CPEB1: variants seen among roughly 807,000 people sequenced by gnomAD.
CPEB1 encodes cytoplasmic polyadenylation element binding protein 1, also known as cytoplasmic polyadenylation element-binding protein 1.
Under a neutral mutation model 65.8 loss-of-function variants are expected in CPEB1, and 7 were observed. The ratio of observed to expected loss-of-function variants is 0.11; its 90% CI spans 0.06 to 0.20. The LOEUF is 0.20. Among genes scored for constraint, CPEB1 ranks in the 10% least tolerant of loss-of-function variants. The pLI is 1.00. For missense variants in CPEB1, 551 were observed against 712.2 expected (o/e 0.77, Z 2.58); for synonymous variants, 262 against 260.0 (o/e 1.01, Z -0.08).
At chr15:82,583,179 G>A (rs1425317120) in intron 3 of CPEB1, among the ~76,000 whole-genome samples, 1 of 152,126 alleles carries the variant, frequency 6.6e-6, no homozygotes, top group East Asian at 1.9e-4. Context: ...CCCATGGAGA[G>A]CAAAAAAGAC....
intron 3 of CPEB1, among the ~76,000 whole-genome samples, chr15:82,626,337 G>A (rs970701287): frequency 6.6e-6 from 1 of 152,018 alleles, no homozygotes; most frequent in Non-Finnish European, 1.5e-5. Flanking sequence ...GGGAGGCTGA[G>A]GCAGGATAAC....
intron 3 of CPEB1, among the ~76,000 whole-genome samples, chr15:82,576,811 C>T (rs1029767411): frequency 6.6e-6 from 1 of 152,140 alleles, no homozygotes; most frequent in African/African-American, 2.4e-5. Flanking sequence ...TAGCTTGAGC[C>T]AATGAGTTTG....
chr15:82,559,238 T>C (rs1268229472), intron 4 of CPEB1, among the ~76,000 whole-genome samples: 2 of 152,120 alleles, frequency 1.3e-5, no homozygotes, highest in African/African-American at 2.4e-5. Flanking sequence ...ACACATGCCA[T>C]TGATGGAACA....
chr15:82,620,754 G>A (rs2045230944), intron 3 of CPEB1, among the ~76,000 whole-genome samples: 1 of 152,148 alleles, frequency 6.6e-6, no homozygotes, highest in Non-Finnish European at 1.5e-5. Flanking sequence ...AGTGAGCTAT[G>A]ATCATACAAC....
At chr15:82,601,177 G>T (rs1443931963) in intron 3 of CPEB1, among the ~76,000 whole-genome samples, 17 of 150,668 alleles carry the variant, frequency 1.1e-4, no homozygotes, top group Admixed American at 7.9e-4. Flanking sequence ...CAAAGTGCTG[G>T]GTTTACAGGC....
At chr15:82,630,028 G>C (rs2046107348) in intron 1 of CPEB1, 1 of 985,246 alleles carries the variant, frequency 1.0e-6, no homozygotes, top group Admixed American at 6.1e-5. Flanking sequence ...TGACACACAA[G>C]GCCCTTTTCA....
chr15:82,562,142 A>G (rs767815242), intron 4 of CPEB1: 2 of 443,878 alleles, frequency 4.5e-6, no homozygotes, highest in South Asian at 3.2e-5. Flanking sequence ...TCCAAGTACC[A>G]TTCACTAGCT....
At chr15:82,573,634 T>C (rs1248217201) in intron 3 of CPEB1, among the ~76,000 whole-genome samples, 1 of 152,090 alleles carries the variant, frequency 6.6e-6, no homozygotes, top group African/African-American at 2.4e-5. Flanking sequence ...GTGCATATGA[T>C]TACCCCCATC....
intron 11 of CPEB1, among the ~76,000 whole-genome samples, chr15:82,546,850 A>G (rs2035314822): frequency 6.6e-6 from 1 of 152,124 alleles, no homozygotes; most frequent in Non-Finnish European, 1.5e-5. Context: ...AGGATTCCCA[A>G]AAGGTTGGAA....
At chr15:82,558,637 T>G (rs1424293732) in intron 4 of CPEB1, among the ~76,000 whole-genome samples, 2 of 152,212 alleles carry the variant, frequency 1.3e-5, no homozygotes, top group Non-Finnish European at 2.9e-5. Context: ...CTTGTATATG[T>G]CTGTGAGCTC....
At chr15:82,640,007 C>T (rs974860562) in intron 1 of CPEB1, among the ~76,000 whole-genome samples, 2 of 152,204 alleles carry the variant, frequency 1.3e-5, no homozygotes, top group African/African-American at 2.4e-5. Context: ...TTTCACCCCA[C>T]GTGCCTTTTC....
At chr15:82,548,744 C>G (rs778267639) in intron 10 of CPEB1, 11 of 455,480 alleles carry the variant, frequency 2.4e-5, no homozygotes, top group South Asian at 6.2e-5. Context: ...TTCTGAAGTC[C>G]CTGTTCTCAA....
intron 3 of CPEB1, among the ~76,000 whole-genome samples, chr15:82,599,304 C>A (rs2042914186): frequency 6.6e-6 from 1 of 152,110 alleles, no homozygotes; most frequent in Admixed American, 6.6e-5. Context: ...TTTACAGCAA[C>A]CCTTCACGAT....
At position 82,571,552 on chromosome 15, in the gene CPEB1, A is replaced by G; in HGVS notation, c.272-20T>C. 6.2e-7 allele frequency: 1 copy of G among 1,606,348 alleles called. No individual in the cohort carries two copies. The highest frequency in any genetic ancestry group is 8.5e-7 in the Non-Finnish European group (1 of 1,176,080). On this transcript the variant is annotated intron_variant, in intron 3 of 12. Transcript: ENST00000684509. The stretch of plus-strand genomic sequence containing the variant: ...GGAAGTCTGTTTTGGAAAGGAGCAC[A>G]GCAGAAACCTCAGAGTTAAGGGCTG...
intron 3 of CPEB1, among the ~76,000 whole-genome samples, chr15:82,618,683 C>G (rs538605545): frequency 6.6e-6 from 1 of 152,232 alleles, no homozygotes; most frequent in East Asian, 1.9e-4. Context: ...AGCAAACAAA[C>G]AGAAAATGGC....
chr15:82,644,035 G>A (rs1026384217), intron 1 of CPEB1, among the ~76,000 whole-genome samples: 1 of 152,166 alleles, frequency 6.6e-6, no homozygotes, highest in Non-Finnish European at 1.5e-5. Context: ...CTTTTGTGCA[G>A]AGGGTTGGGA....
chr15:82,573,219 C>A (rs1287160781), intron 3 of CPEB1: 2 of 1,443,020 alleles, frequency 1.4e-6, no homozygotes, highest in South Asian at 1.4e-5. Flanking sequence ...AATTATCAGT[C>A]TCCTTCCTTT....
chr15:82,561,571 C>T (rs1181109697), intron 4 of CPEB1, among the ~76,000 whole-genome samples: 2 of 152,140 alleles, frequency 1.3e-5, no homozygotes, highest in African/African-American at 4.8e-5. Flanking sequence ...ACTGTCCTCA[C>T]CCAAGGTTTT....
At chr15:82,584,143 C>T (rs2041547409) in intron 3 of CPEB1, among the ~76,000 whole-genome samples, 2 of 151,038 alleles carry the variant, frequency 1.3e-5, no homozygotes, top group Admixed American at 1.3e-4. Context: ...CCTGCAGTCC[C>T]AGCTACTCAG....
Sources: allele counts gnomAD v4.1 joint callset (sites outside exome capture counted in the v4.1 genomes callset), GRCh38; gene constraint gnomAD v4.1.1; transcripts MANE v1.5; gene names NCBI Gene and HGNC (gene_info 2026-07-23, HGNC 2026-07-21).